The following PTPRD variants were observed in gnomAD, a reference collection of about 807,000 sequenced individuals.
The protein encoded by PTPRD is receptor-type tyrosine-protein phosphatase delta.
PTPRD carries 34 observed loss-of-function variants against 214.5 expected under a neutral mutation model. The observed-to-expected ratio is 0.16, with a 90% confidence interval of 0.12 to 0.21. The LOEUF is 0.21. Ranked by LOEUF, PTPRD falls within the 10% of genes least tolerant of loss-of-function variation. The pLI is 1.00. For missense variants in PTPRD, 2,545 were observed against 2,398.7 expected, an observed-to-expected ratio of 1.06 and a Z score of -1.27; for synonymous variants, 1,128 against 845.7, an observed-to-expected ratio of 1.33 and a Z score of -5.79.
In PTPRD at chr9:8,627,943, GC is replaced by G. The variant is rs1293220140; in HGVS notation, c.352+5373del. ...GCATGGAAATGAGGTACACACGAAA[GC>G]TTTATCGTGTTGGTATCAATGTATT... On this transcript the variant is annotated intron_variant, in intron 14 of 45. Transcript: ENST00000381196. Among the ~76,000 whole-genome samples the G allele has an allele frequency of 2.0e-5, 3 of 152,010 alleles. No homozygotes were observed. In the East Asian group the frequency reaches 5.8e-4, roughly 29 times the overall value.
intron 7 of PTPRD, among the ~76,000 whole-genome samples, chr9:9,643,634 G>C (rs2096047394): frequency 6.6e-6 from 1 of 152,086 alleles, no homozygotes; most frequent in South Asian, 2.1e-4. Context: ...AAATGGAAAA[G>C]AGAATCAAAC....
At chr9:10,485,290 G>A (rs943124675) in intron 2 of PTPRD, among the ~76,000 whole-genome samples, 1 of 151,994 alleles carries the variant, frequency 6.6e-6, no homozygotes, top group African/African-American at 2.4e-5. Context: ...TTAAAGTCAG[G>A]TATGTGATAC....
chr9:9,795,754 TTCCTATTGTA>T (rs144657630), intron 5 of PTPRD, among the ~76,000 whole-genome samples: 4 of 141,894 alleles, frequency 2.8e-5, no homozygotes, highest in Middle Eastern at 7.3e-3. Context: ...TGGTTTATGT[TTCCTATTGTA>T]TCCTATTGTA....
At chr9:9,751,594 C>A (rs1208918191) in intron 6 of PTPRD, among the ~76,000 whole-genome samples, 1 of 151,974 alleles carries the variant, frequency 6.6e-6, no homozygotes, top group African/African-American at 2.4e-5. Flanking sequence ...GTGGGATGGA[C>A]CACTTATCCA....
chr9:10,377,098 G>A (rs1013562889), intron 2 of PTPRD, among the ~76,000 whole-genome samples: 8 of 151,234 alleles, frequency 5.3e-5, no homozygotes, highest in South Asian at 2.1e-4. Flanking sequence ...TACTATCCAT[G>A]GCTGTAAGTT....
At chr9:9,656,271 A>G (rs948367222) in intron 7 of PTPRD, among the ~76,000 whole-genome samples, 1 of 152,228 alleles carries the variant, frequency 6.6e-6, no homozygotes, top group Non-Finnish European at 1.5e-5. Flanking sequence ...AGTATTTACC[A>G]AAATGCGTTG....
At chr9:10,185,109 G>T (rs1002500160) in intron 3 of PTPRD, among the ~76,000 whole-genome samples, 2 of 152,056 alleles carry the variant, frequency 1.3e-5, no homozygotes, top group Non-Finnish European at 2.9e-5. Context: ...CAGCTCTTTT[G>T]TAACACTATT....
At chr9:8,995,602 T>C (rs930342167) in intron 11 of PTPRD, among the ~76,000 whole-genome samples, 5 of 152,010 alleles carry the variant, frequency 3.3e-5, no homozygotes, top group African/African-American at 4.8e-5. Context: ...CAAGAGACCA[T>C]TTCCATATCA....
intron 9 of PTPRD, among the ~76,000 whole-genome samples, chr9:9,241,863 A>T (rs539656807): frequency 6.6e-6 from 1 of 152,034 alleles, no homozygotes; most frequent in Admixed American, 6.6e-5. Context: ...TAATATTGTT[A>T]TGTGTGAATT....
intron 10 of PTPRD, among the ~76,000 whole-genome samples, chr9:9,119,226 C>T (rs527623405): frequency 1.3e-5 from 2 of 152,166 alleles, no homozygotes; most frequent in South Asian, 2.1e-4. Context: ...TGTTAGTCAC[C>T]AGTCTAAGTT....
At chr9:9,787,654 A>G (rs1022536878) in intron 5 of PTPRD, among the ~76,000 whole-genome samples, 20 of 152,052 alleles carry the variant, frequency 1.3e-4, no homozygotes, top group Non-Finnish European at 2.6e-4. Context: ...TGGATAAAGG[A>G]AAAGAGGATA....
chr9:9,834,579 T>A (rs1214856675), intron 5 of PTPRD, among the ~76,000 whole-genome samples: 1 of 152,110 alleles, frequency 6.6e-6, no homozygotes, highest in Admixed American at 6.6e-5. Flanking sequence ...AGGATTATTT[T>A]ACTGGTCCAT....
intron 3 of PTPRD, among the ~76,000 whole-genome samples, chr9:10,111,158 C>T (rs1417382012): frequency 6.7e-6 from 1 of 150,352 alleles, no homozygotes; most frequent in Non-Finnish European, 1.5e-5. Context: ...TAATGAATGC[C>T]ATGACATTTT....
intron 8 of PTPRD, among the ~76,000 whole-genome samples, chr9:9,540,682 G>A (rs186986251): frequency 1.3e-5 from 2 of 151,834 alleles, no homozygotes; most frequent in African/African-American, 4.8e-5. Flanking sequence ...TTAATATTAG[G>A]TTATATTACT....
chr9:10,133,050 T>G (rs2098911874), intron 3 of PTPRD, among the ~76,000 whole-genome samples: 1 of 152,150 alleles, frequency 6.6e-6, no homozygotes. Context: ...ATGAGAACAC[T>G]CAGGCAGTCC....
At chr9:9,366,546 C>T (rs962063583) in intron 9 of PTPRD, among the ~76,000 whole-genome samples, 1 of 151,454 alleles carries the variant, frequency 6.6e-6, no homozygotes, top group African/African-American at 2.4e-5. Flanking sequence ...AAAGCACTAG[C>T]TCCTAAACTG....
intron 2 of PTPRD, among the ~76,000 whole-genome samples, chr9:10,344,623 G>C (rs1252410250): frequency 6.6e-6 from 1 of 152,126 alleles, no homozygotes; most frequent in Non-Finnish European, 1.5e-5. Context: ...ACCTTGGGTA[G>C]TATGGCCATT....
rs147384569 is a variant in PTPRD at position 9,192,506 on chromosome 9, T to C, written c.-202-9143A>G. 4.1e-3 allele frequency among the ~76,000 whole-genome samples: 627 copies of C among 152,240 alleles called. 6 individuals carry two copies. Among genetic ancestry groups the C allele is most frequent in the African/African-American group, 0.015 (606 of 41,568 alleles). ...TTTTAATCCCAACAGAAATTTCTAA[T>C]GAATACTGCATTTTCTGTGGAAGCA... On this transcript the variant is annotated intron_variant, in intron 9 of 45. Transcript: ENST00000381196.
intron 7 of PTPRD, among the ~76,000 whole-genome samples, chr9:9,685,223 A>T (rs1332922351): frequency 6.6e-6 from 1 of 150,562 alleles, no homozygotes; most frequent in Non-Finnish European, 1.5e-5. Flanking sequence ...CAATCATTAA[A>T]TGTGTGGTTA....
Sources: gnomAD v4.1 joint callset for allele counts (sites outside exome capture counted in the v4.1 genomes callset) on GRCh38, gnomAD v4.1.1 for gene constraint, MANE v1.5 for transcripts, NCBI Gene and HGNC (gene_info 2026-07-23, HGNC 2026-07-21) for gene names.